Variants in ATP6V0D2 observed in about 807,000 individuals in gnomAD.
The protein encoded by ATP6V0D2 is V-type proton ATPase subunit d 2.
In ATP6V0D2, 40 loss-of-function variants were observed where a neutral mutation model predicts 40.0. The ratio of observed to expected loss-of-function variants is 1.00; its 90% confidence interval spans 0.78 to 1.30. ATP6V0D2 has a LOEUF of 1.30. Ranked by LOEUF, ATP6V0D2 falls within the 50% of genes most tolerant of loss-of-function variation. The pLI is 0.00. For missense variants in ATP6V0D2, 470 were observed against 423.1 expected (o/e 1.11, Z -0.97); for synonymous variants, 179 against 156.3 (o/e 1.15, Z -1.08).
At chr8:86,139,662 C>A in intron 3 of ATP6V0D2, 27 bp downstream of exon 3, 1 of 1,533,120 alleles carries the variant, frequency 6.5e-7, no homozygotes, top group Non-Finnish European at 8.8e-7. Context: ...AATTTTGTAG[C>A]TGCTTGTGTA....
chr8:86,129,674 G>A (rs1023195039), intron 2 of ATP6V0D2, among the ~76,000 whole-genome samples: 2 of 152,064 alleles, frequency 1.3e-5, no homozygotes, highest in African/African-American at 4.8e-5. Context: ...GTGGTGGTAC[G>A]TGCCTATAAT....
chr8:86,099,131 T>C, intron 1 of ATP6V0D2, 23 bp downstream of exon 1: 1 of 1,541,068 alleles, frequency 6.5e-7, no homozygotes, highest in Non-Finnish European at 8.7e-7. Context: ...CTTCTCACCC[T>C]TTAAAAAGAA....
At position 86,152,905 on chromosome 8, in the gene ATP6V0D2, T is replaced by C. The variant is rs763168244; in HGVS notation, c.981T>C (p.Asn327=). ...YVKLKEQEIR[N]IVWIAECISQ... is the part of the protein sequence containing the mutation. ...AGCTGAAGGAACAGGAAATTAGAAA[T>C]ATTGTGTGGATAGCAGAATGTATTT... The change falls in exon 8 of 8, where the codon AAT becomes AAC. Residue 327 remains asparagine, a synonymous_variant. Coordinates refer to ENST00000285393, the MANE Select transcript of ATP6V0D2 (RefSeq NM_152565.1). The C allele has an allele frequency of 4.3e-6, 7 of 1,612,406 alleles. No individual in the cohort carries two copies. The highest frequency in any genetic ancestry group is 4.0e-5 in the African/African-American group (3 of 74,844).
chr8:86,108,554 T>C (rs1026842424), intron 1 of ATP6V0D2, among the ~76,000 whole-genome samples: 1 of 151,966 alleles, frequency 6.6e-6, no homozygotes, highest in African/African-American at 2.4e-5. Flanking sequence ...AGCAGCAGAG[T>C]GTGGGGAAAG....
chr8:86,149,309 G>A (rs1453594744), intron 5 of ATP6V0D2, among the ~76,000 whole-genome samples: 1 of 151,974 alleles, frequency 6.6e-6, no homozygotes, highest in Non-Finnish European at 1.5e-5. Context: ...GAAACATGGA[G>A]CTCAAAGGAA....
At chr8:86,113,990 G>T in intron 2 of ATP6V0D2, 110 bp downstream of exon 2, 1 of 1,024,746 alleles carries the variant, frequency 9.8e-7, no homozygotes, top group East Asian at 2.8e-5. Context: ...CTTTTCCATT[G>T]TTTGTAAGTT....
At chr8:86,147,946 C>A (rs978561472) in intron 5 of ATP6V0D2, among the ~76,000 whole-genome samples, 4 of 152,152 alleles carry the variant, frequency 2.6e-5, no homozygotes, top group African/African-American at 7.2e-5. Flanking sequence ...CTCTCCCCAG[C>A]CAGCTGTCCT....
chr8:86,099,148 A>AT (rs771466009), intron 1 of ATP6V0D2, 40 bp downstream of exon 1: 8 of 1,560,004 alleles, frequency 5.1e-6, no homozygotes, highest in Admixed American at 2.1e-5. Flanking sequence ...AGAAAAAAAA[A>AT]AAAATGAAAT....
chr8:86,110,047 T>A (rs1818512102), intron 1 of ATP6V0D2, among the ~76,000 whole-genome samples: 1 of 152,218 alleles, frequency 6.6e-6, no homozygotes, highest in African/African-American at 2.4e-5. Context: ...AATTGACACA[T>A]AAAAATTGCA....
At position 86,113,881 on chromosome 8, in the gene ATP6V0D2, G is replaced by T. The variant is rs760220576; in HGVS notation, c.302+1G>T. ...TCAGCACATTTCTCACCTATATGACGTAAGTGATGACAGAAAGCCCTAATA... is the reference window on the plus strand; with the variant it reads ...TCAGCACATTTCTCACCTATATGACTTAAGTGATGACAGAAAGCCCTAATA... On this transcript the variant is annotated splice_donor_variant, in intron 2 of 7. Coordinates refer to ENST00000285393, the MANE Select transcript of ATP6V0D2 (RefSeq NM_152565.1). LOFTEE classifies it high-confidence loss of function. 18 of 1,606,706 alleles carry T rather than the reference G, an allele frequency of 1.1e-5. No individual in the cohort carries two copies. In the African/African-American group the frequency reaches 1.3e-4, roughly 12 times the overall value.
intron 2 of ATP6V0D2, among the ~76,000 whole-genome samples, chr8:86,135,986 C>T (rs1023079524): frequency 2.6e-5 from 4 of 152,056 alleles, no homozygotes; most frequent in African/African-American, 9.7e-5. Context: ...CCCCAACAGC[C>T]AATGATAATT....
At chr8:86,145,620 C>T (rs913293466) in intron 5 of ATP6V0D2, among the ~76,000 whole-genome samples, 10 of 152,120 alleles carry the variant, frequency 6.6e-5, no homozygotes, top group African/African-American at 2.2e-4. Flanking sequence ...CTCAGTCATG[C>T]TAATCATGCA....
At chr8:86,108,235 A>G (rs956824489) in intron 1 of ATP6V0D2, among the ~76,000 whole-genome samples, 9 of 152,152 alleles carry the variant, frequency 5.9e-5, no homozygotes, top group Non-Finnish European at 1.2e-4. Context: ...TCCACCTCCC[A>G]GGCTCAAGCA....
rs373691712 is a variant in ATP6V0D2 at position 86,120,262 on chromosome 8, G to A, written c.302+6382G>A. Among the ~76,000 whole-genome samples, 16 of 152,160 alleles carry A rather than the reference G, an allele frequency of 1.1e-4. No homozygotes were observed. The East Asian group carries it at 2.7e-3, about 26-fold the overall frequency. On this transcript the variant is annotated intron_variant, in intron 2 of 7. Transcript: ENST00000285393. Reference sequence around the variant, plus strand: ...GAAAAAATTTAAAAATTAGCCCAGTGTGGTGGTACATACCTGTAGTCCCAG... The same window carrying A: ...GAAAAAATTTAAAAATTAGCCCAGTATGGTGGTACATACCTGTAGTCCCAG...
rs1159018450 is a variant in ATP6V0D2 at position 86,153,015 on chromosome 8, T to C, written c.*38T>C. 2.0e-6 allele frequency: 3 copies of C among 1,504,526 alleles called. No individual in the cohort carries two copies. Among genetic ancestry groups the C allele is most frequent in the East Asian group, 2.3e-5 (1 of 42,788 alleles). The allele number at this position is 1,504,526 out of a possible 1,614,324, so 93.2% of individuals were successfully genotyped here. ...TCTCAAATGTAGAAAATTATAAATG[T>C]TAAAAGGAAGTTATTGAAGAAAATA... On this transcript the variant is annotated 3_prime_UTR_variant, in exon 8 of 8. Transcript: ENST00000285393.
intron 2 of ATP6V0D2, among the ~76,000 whole-genome samples, chr8:86,114,787 C>T (rs1266711170): frequency 6.6e-6 from 1 of 152,084 alleles, no homozygotes; most frequent in East Asian, 1.9e-4. Flanking sequence ...AAGCTTATGC[C>T]CTTTCAGCTC....
At chr8:86,151,639 A>G in intron 7 of ATP6V0D2, 99 bp downstream of exon 7, 13 of 868,420 alleles carry the variant, frequency 1.5e-5, no homozygotes, top group Non-Finnish European at 2.4e-5. Flanking sequence ...TGATCATGCC[A>G]ATTGATTAGG....
At chr8:86,132,161 C>A (rs148130740) in intron 2 of ATP6V0D2, among the ~76,000 whole-genome samples, 2 of 152,222 alleles carry the variant, frequency 1.3e-5, no homozygotes, top group African/African-American at 4.8e-5. Context: ...CTTTAGGGCA[C>A]TAAACAAACC....
chr8:86,141,671 C>G lies in ATP6V0D2; in HGVS notation c.561+142C>G, dbSNP rs1818975439. On this transcript the variant is annotated intron_variant, in intron 4 of 7. Coordinates refer to ENST00000285393, the MANE Select transcript of ATP6V0D2 (RefSeq NM_152565.1). The stretch of plus-strand genomic sequence containing the variant: ...TATTTGGAATATAGCTTTTATAGTT[C>G]TGGCCTGTCCTCTAGTTAAATGCAT... 7 of 571,152 alleles carry G rather than the reference C, an allele frequency of 1.2e-5. 1 individual carries two copies. In the Admixed American group the frequency reaches 2.4e-4, roughly 20 times the overall value. The allele number at this position is 571,152 out of a possible 1,614,324, so 35.4% of individuals were successfully genotyped here.
Sources: allele counts gnomAD v4.1 joint callset (sites outside exome capture counted in the v4.1 genomes callset), GRCh38; gene constraint gnomAD v4.1.1; transcripts MANE v1.5; gene names NCBI Gene and HGNC (gene_info 2026-07-23, HGNC 2026-07-21).